The following ASIC2 variants were observed in gnomAD, a reference collection of about 807,000 sequenced individuals.
ASIC2 encodes acid-sensing ion channel 2.
Under a neutral mutation model 57.3 loss-of-function variants are expected in ASIC2, and 25 were observed. That is an observed-to-expected ratio of 0.44 (90% CI 0.32 to 0.61). ASIC2 has a LOEUF of 0.61. Among genes scored for constraint, ASIC2 ranks in the 20% least tolerant of loss-of-function variants. The probability of loss-of-function intolerance (pLI) is 0.06; values close to 1 mark genes in which losing one functional copy is unlikely to be tolerated. For synonymous variants in ASIC2, 319 were observed against 307.5 expected (o/e 1.04, Z -0.39); for missense variants, 641 against 738.1 (o/e 0.87, Z 1.52).
At chr17:34,130,295 C>T (rs545739653) in intron 1 of ASIC2, among the ~76,000 whole-genome samples, 16 of 152,350 alleles carry the variant, frequency 1.1e-4, no homozygotes, top group African/African-American at 3.8e-4. Flanking sequence ...TGCAGTGAAT[C>T]AGATTCAACC....
intron 1 of ASIC2, among the ~76,000 whole-genome samples, chr17:34,142,611 C>T (rs1912302567): frequency 6.6e-6 from 1 of 152,192 alleles, no homozygotes; most frequent in South Asian, 2.1e-4. Context: ...AGTCTCTCTC[C>T]AGAGCTCCAG....
At chr17:33,136,874 G>A (rs2092369064) in intron 1 of ASIC2, among the ~76,000 whole-genome samples, 2 of 152,180 alleles carry the variant, frequency 1.3e-5, no homozygotes, top group African/African-American at 4.8e-5. Context: ...ATTGCAAAAA[G>A]GGATGTGGAG....
At chr17:33,058,436 T>A (rs1382025617) in intron 3 of ASIC2, among the ~76,000 whole-genome samples, 1 of 145,452 alleles carries the variant, frequency 6.9e-6, no homozygotes, top group Non-Finnish European at 1.5e-5. Context: ...TACATGCAAT[T>A]TTCTACCACT....
intron 1 of ASIC2, among the ~76,000 whole-genome samples, chr17:33,782,358 CTT>C (rs772291908): frequency 4.3e-4 from 58 of 133,606 alleles, no homozygotes; most frequent in Non-Finnish European, 4.7e-4. Context: ...ATTGAAGTTC[CTT>C]TTTTTTTTTT....
intron 1 of ASIC2, among the ~76,000 whole-genome samples, chr17:33,250,215 G>T (rs1472982347): frequency 6.6e-6 from 1 of 152,202 alleles, no homozygotes; most frequent in Admixed American, 6.5e-5. Context: ...AAGAATTTTG[G>T]TCATTTTCCT....
At chr17:33,356,804 C>T (rs1031316021) in intron 1 of ASIC2, among the ~76,000 whole-genome samples, 7 of 152,022 alleles carry the variant, frequency 4.6e-5, no homozygotes, top group East Asian at 1.9e-4. Context: ...TCTGCAATCA[C>T]GGGCTTGATG....
chr17:33,641,675 A>G (rs555661244), intron 1 of ASIC2, among the ~76,000 whole-genome samples: 3 of 152,338 alleles, frequency 2.0e-5, no homozygotes, highest in East Asian at 1.9e-4. Flanking sequence ...ACTCCAAAAC[A>G]TAGGAAGACC....
At chr17:33,226,235 G>A (rs1907875817) in intron 1 of ASIC2, among the ~76,000 whole-genome samples, 1 of 152,176 alleles carries the variant, frequency 6.6e-6, no homozygotes, top group African/African-American at 2.4e-5. Flanking sequence ...GCCTTAGAAA[G>A]TGCCTAGTAA....
At chr17:33,479,031 G>T (rs1177731876) in intron 1 of ASIC2, among the ~76,000 whole-genome samples, 1 of 152,086 alleles carries the variant, frequency 6.6e-6, no homozygotes, top group African/African-American at 2.4e-5. Flanking sequence ...ACGGAGTCTT[G>T]CTCTGTTGCT....
At chr17:33,741,294 T>C (rs1394864746) in intron 1 of ASIC2, among the ~76,000 whole-genome samples, 4 of 152,240 alleles carry the variant, frequency 2.6e-5, no homozygotes, top group South Asian at 2.1e-4. Context: ...CTCTTCTGAA[T>C]TGCTGCATGT....
At chr17:33,445,898 G>A (rs912871084) in intron 1 of ASIC2, among the ~76,000 whole-genome samples, 3 of 151,636 alleles carry the variant, frequency 2.0e-5, no homozygotes, top group Admixed American at 6.6e-5. Flanking sequence ...TGCAAACTAT[G>A]CAGCAACAAA....
At chr17:33,232,289 T>A (rs1379453875) in intron 1 of ASIC2, among the ~76,000 whole-genome samples, 1 of 152,174 alleles carries the variant, frequency 6.6e-6, no homozygotes, top group Non-Finnish European at 1.5e-5. Context: ...CACCAGGAAC[T>A]GAATTGGCCA....
intron 1 of ASIC2, chr17:34,072,471 A>G (rs1909451205): frequency 6.6e-6 from 1 of 152,260 alleles, no homozygotes; most frequent in Non-Finnish European, 1.5e-5. Context: ...TGGCAAAGCC[A>G]GCATAGAGCC....
chr17:33,016,072 C>T (rs374194349), intron 8 of ASIC2, 33 bp from the exon 9 acceptor site: 286 of 1,611,076 alleles, frequency 1.8e-4, no homozygotes, highest in Admixed American at 1.0e-4. Context: ...TTGGTCAGGC[C>T]GGGAAGAGGG....
chr17:33,717,451 T>A (rs1269021897), intron 1 of ASIC2, among the ~76,000 whole-genome samples: 1 of 152,160 alleles, frequency 6.6e-6, no homozygotes, highest in Non-Finnish European at 1.5e-5. Flanking sequence ...TGGAGGTGCC[T>A]GTCTGGGCCT....
intron 1 of ASIC2, among the ~76,000 whole-genome samples, chr17:34,040,954 TTAAG>T (rs146984515): frequency 0.13 from 19,749 of 152,032 alleles, 1,343 homozygotes; most frequent in South Asian, 0.19. Flanking sequence ...ATCAGGGAGA[TTAAG>T]TAATTTGCAC....
intron 1 of ASIC2, among the ~76,000 whole-genome samples, chr17:33,595,195 C>T (rs1904944714): frequency 6.6e-6 from 1 of 152,206 alleles, no homozygotes; most frequent in African/African-American, 2.4e-5. Flanking sequence ...CATTGCCCTC[C>T]AGCCTGGGCA....
chr17:34,111,992 G>A (rs1911291997), intron 1 of ASIC2, among the ~76,000 whole-genome samples: 1 of 152,046 alleles, frequency 6.6e-6, no homozygotes, highest in African/African-American at 2.4e-5. Flanking sequence ...AAAATGCATA[G>A]CCATATGGAA....
At chr17:33,674,225 G>A (rs753195573) in intron 1 of ASIC2, among the ~76,000 whole-genome samples, 26 of 152,012 alleles carry the variant, frequency 1.7e-4, no homozygotes, top group Non-Finnish European at 2.8e-4. Flanking sequence ...CAGAAGCTCC[G>A]TGCTCCAAGA....
Sources: gnomAD v4.1 joint callset for allele counts (sites outside exome capture counted in the v4.1 genomes callset) on GRCh38, gnomAD v4.1.1 for gene constraint, MANE v1.5 for transcripts, NCBI Gene and HGNC (gene_info 2026-07-23, HGNC 2026-07-21) for gene names.